The following RGS6 variants were observed in gnomAD, a reference collection of about 807,000 sequenced individuals.
The protein encoded by RGS6 is regulator of G-protein signaling 6.
A neutral mutation model predicts 78.5 loss-of-function variants in RGS6; 30 were observed. The observed-to-expected ratio is 0.38, with a 90% confidence interval of 0.29 to 0.52. The LOEUF (loss-of-function observed/expected upper bound fraction) is 0.52. Among genes scored for constraint, RGS6 ranks in the 20% least tolerant of loss-of-function variants. The pLI is 0.85. For synonymous variants in RGS6, 206 were observed against 206.0 expected, an observed-to-expected ratio of 1.00 and a Z score of 0.00; for missense variants, 495 against 609.7, an observed-to-expected ratio of 0.81 and a Z score of 1.98.
At chr14:72,384,342 A>T (rs909883925) in intron 3 of RGS6, among the ~76,000 whole-genome samples, 1 of 152,244 alleles carries the variant, frequency 6.6e-6, no homozygotes, top group African/African-American at 2.4e-5. Flanking sequence ...TGTTTGGTAA[A>T]TATACATTTC....
chr14:72,556,413 G>C (rs1341568890), intron 17 of RGS6, among the ~76,000 whole-genome samples: 1 of 152,152 alleles, frequency 6.6e-6, no homozygotes, highest in Admixed American at 6.5e-5. Flanking sequence ...CCTCCCACTA[G>C]TTCCCGCTCT....
rs111931397 is a variant in RGS6, at chr14:72,538,680, C to T, written c.1369-1361C>T. On this transcript the variant is annotated intron_variant, in intron 16 of 17. Coordinates refer to ENST00000553525, the MANE Select transcript of RGS6 (RefSeq NM_001204424.2). ...GGGTTCAAGCTGAGTCCTGCCATCC[C>T]CAGAATAGAGACTTGGTATGGTACC... is the stretch of plus-strand genomic sequence containing the variant. 3.8e-3 allele frequency among the ~76,000 whole-genome samples: 581 copies of T among 152,360 alleles called. 5 individuals are homozygous for T. The highest frequency in any genetic ancestry group is 0.013 in the African/African-American group (549 of 41,588).
chr14:72,333,779 A>G (rs1184097752), intron 2 of RGS6, among the ~76,000 whole-genome samples: 1 of 152,068 alleles, frequency 6.6e-6, no homozygotes, highest in African/African-American at 2.4e-5. Context: ...ATACTTCCCA[A>G]AACCCTCCAT....
chr14:71,983,878 C>G lies in RGS6; in HGVS notation c.84+19003C>G, dbSNP rs2094568048. On this transcript the variant is annotated intron_variant, in intron 2 of 17. Transcript: ENST00000553525. ...CAATCCACAACAATTTCTAGTTTAT[C>G]ACCGCGTGAAGCTTAGTGCTCTCTG... Among the ~76,000 whole-genome samples the G allele has an allele frequency of 1.3e-5, 2 of 152,230 alleles. 1 individual carries two copies. Among genetic ancestry groups the G allele is most frequent in the South Asian group, 4.1e-4 (2 of 4,828 alleles).
intron 2 of RGS6, among the ~76,000 whole-genome samples, chr14:72,094,420 C>G (rs2095354607): frequency 6.6e-6 from 1 of 152,134 alleles, no homozygotes; most frequent in Non-Finnish European, 1.5e-5. Flanking sequence ...TGGTTGGTGA[C>G]CCCCACTTTT....
rs982391508 is a variant in RGS6, at chr14:72,278,577, T to G, written c.85-73518T>G. 1.3e-5 allele frequency among the ~76,000 whole-genome samples: 2 copies of G among 152,224 alleles called. 1 individual carries two copies. Among genetic ancestry groups the G allele is most frequent in the African/African-American group, 4.8e-5 (2 of 41,446 alleles). Reference sequence around the variant, plus strand: ...GGAACTTCACTAGGAAGTGTGTGTGTGGGTTTATATAGCCACGTACATACA... The same window carrying G: ...GGAACTTCACTAGGAAGTGTGTGTGGGGGTTTATATAGCCACGTACATACA... On this transcript the variant is annotated intron_variant, in intron 2 of 17. Transcript: ENST00000553525.
intron 2 of RGS6, among the ~76,000 whole-genome samples, chr14:71,989,218 G>GCTTA (rs1283973717): frequency 3.9e-5 from 6 of 152,248 alleles, no homozygotes; most frequent in African/African-American, 1.4e-4. Context: ...GAAGAAAGGA[G>GCTTA]CTTACACTGG....
chr14:72,058,896 C>T (rs2093752556), intron 2 of RGS6, among the ~76,000 whole-genome samples: 1 of 152,034 alleles, frequency 6.6e-6, no homozygotes, highest in Non-Finnish European at 1.5e-5. Flanking sequence ...TTCACAGCTG[C>T]ACTTATTTTT....
chr14:72,208,678 C>CT (rs998922351), intron 2 of RGS6, among the ~76,000 whole-genome samples: 67 of 152,302 alleles, frequency 4.4e-4, no homozygotes, highest in African/African-American at 1.5e-3. Context: ...GCTACCTTGA[C>CT]TATTTCAGCA....
intron 2 of RGS6, among the ~76,000 whole-genome samples, chr14:71,986,786 G>T (rs1296827338): frequency 1.3e-5 from 2 of 152,112 alleles, no homozygotes; most frequent in Non-Finnish European, 2.9e-5. Flanking sequence ...AAATGATTTG[G>T]CAGAGCTGCA....
At chr14:72,128,937 A>G (rs2153585333) in intron 2 of RGS6, among the ~76,000 whole-genome samples, 1 of 152,332 alleles carries the variant, frequency 6.6e-6, no homozygotes, top group Admixed American at 6.5e-5. Context: ...TATGATTCAC[A>G]GAATGTCTGT....
intron 3 of RGS6, among the ~76,000 whole-genome samples, chr14:72,414,200 G>A (rs1266421458): frequency 2.6e-5 from 4 of 152,156 alleles, no homozygotes; most frequent in South Asian, 2.1e-4. Context: ...TCACTTTCAG[G>A]TACACCAATC....
intron 2 of RGS6, among the ~76,000 whole-genome samples, chr14:72,259,770 G>A (rs1375214730): frequency 6.6e-6 from 1 of 151,964 alleles, no homozygotes; most frequent in Non-Finnish European, 1.5e-5. Context: ...AATTAGCCAG[G>A]CGCGGTGGCA....
chr14:72,402,639 A>C (rs1487811277), intron 3 of RGS6, among the ~76,000 whole-genome samples: 1 of 152,116 alleles, frequency 6.6e-6, no homozygotes, highest in Non-Finnish European at 1.5e-5. Flanking sequence ...AAACCCACTT[A>C]TACTGTGTTG....
At chr14:72,428,593 C>T (rs935277947) in intron 3 of RGS6, among the ~76,000 whole-genome samples, 1 of 152,184 alleles carries the variant, frequency 6.6e-6, no homozygotes, top group Non-Finnish European at 1.5e-5. Flanking sequence ...GAGTTCTCTT[C>T]ATCAATGGTC....
intron 2 of RGS6, among the ~76,000 whole-genome samples, chr14:72,178,240 A>G (rs1035656514): frequency 2.0e-5 from 3 of 152,222 alleles, no homozygotes; most frequent in Admixed American, 1.3e-4. Flanking sequence ...ACTCTTCCAG[A>G]CATTGCCTAA....
At chr14:72,305,542 T>C (rs948201349) in intron 2 of RGS6, among the ~76,000 whole-genome samples, 4 of 152,330 alleles carry the variant, frequency 2.6e-5, no homozygotes, top group South Asian at 4.1e-4. Flanking sequence ...ATTTTTTCTT[T>C]TATGGTGATC....
At chr14:72,629,304 T>C in the RGS6 span, among the ~76,000 whole-genome samples, 42 of 152,374 alleles carry the variant, frequency 2.8e-4, 1 homozygote, top group African/African-American at 1.0e-3. Context: ...TCTATTATTC[T>C]CTCTGCCTTT....
At chr14:72,585,833 T>C in the RGS6 span, among the ~76,000 whole-genome samples, 1 of 152,202 alleles carries the variant, frequency 6.6e-6, no homozygotes, top group African/African-American at 2.4e-5. Flanking sequence ...ACTTCTCCTA[T>C]CCATCCTGTT....
Sources: gnomAD v4.1 joint callset for allele counts (sites outside exome capture counted in the v4.1 genomes callset) on GRCh38, gnomAD v4.1.1 for gene constraint, MANE v1.5 for transcripts, NCBI Gene and HGNC (gene_info 2026-07-23, HGNC 2026-07-21) for gene names.